The following LRRC37B variants were observed in gnomAD, a reference collection of about 807,000 sequenced individuals.
The protein encoded by LRRC37B is leucine rich repeat containing 37B.
A neutral mutation model predicts 98.3 loss-of-function variants in LRRC37B; 28 were observed. The ratio of observed to expected loss-of-function variants is 0.28; its 90% CI spans 0.21 to 0.39. The LOEUF is 0.39. Ranked by LOEUF, LRRC37B falls within the 10% of genes least tolerant of loss-of-function variation. The pLI is 1.00. For synonymous variants in LRRC37B, 364 were observed against 442.7 expected (o/e 0.82, Z 2.23); for missense variants, 938 against 1,182.7 (o/e 0.79, Z 3.03).
intron 1 of LRRC37B, among the ~76,000 whole-genome samples, chr17:32,009,663 C>T (rs777358342): frequency 3.3e-5 from 5 of 151,722 alleles, no homozygotes; most frequent in Non-Finnish European, 5.9e-5. Flanking sequence ...GACAGAGTCT[C>T]GCTCTTTCAC....
At chr17:32,040,440 G>A (rs1911391979) in intron 7 of LRRC37B, 1 of 562,860 alleles carries the variant, frequency 1.8e-6, no homozygotes, top group Admixed American at 2.2e-5. Context: ...GCAGCCTGTC[G>A]GTTGCAGGGC....
At chr17:32,020,952 T>G (rs1598202827), upstream of LRRC37B, 4 of 1,390,016 alleles carry the variant, frequency 2.9e-6, no homozygotes, top group African/African-American at 1.5e-5. Context: ...CCTGGCGGGG[T>G]GGGAAGGGGC....
chr17:32,043,875 GC>G (rs11297041), intron 7 of LRRC37B, among the ~76,000 whole-genome samples: 104,470 of 149,070 alleles, frequency 0.7, 37,693 homozygotes, highest in East Asian at 0.92. Context: ...CTCAAAAGAG[GC>G]CCCCCCTACA....
At position 32,014,729 on chromosome 17, in the gene LRRC37B, CATAT is replaced by C. The variant is rs56790780; in HGVS notation, c.-190-3240_-190-3237del. 5.0e-3 allele frequency among the ~76,000 whole-genome samples: 765 copies of C among 151,638 alleles called. 5 individuals are homozygous for C. The highest frequency in any genetic ancestry group is 0.017 in the African/African-American group (708 of 41,212). The stretch of plus-strand genomic sequence containing the variant: ...AGATAGATAGATAGATAGATAGATA[CATAT>C]ATCTATATACATGTAGAGGTAATAA... On this transcript the variant is annotated intron_variant, in intron 1 of 14. Transcript: ENST00000543378.
chr17:32,011,065 C>T (rs1170460593), intron 1 of LRRC37B, among the ~76,000 whole-genome samples: 2 of 150,726 alleles, frequency 1.3e-5, no homozygotes, highest in African/African-American at 2.4e-5. Flanking sequence ...GGCACAATCT[C>T]GGCTCACTGC....
chr17:32,021,305 C>T (rs1598203034), exon 1 of LRRC37B: 2 of 1,613,776 alleles, frequency 1.2e-6, no homozygotes, highest in East Asian at 4.5e-5. Context: ...CCCGCTCCTC[C>T]CATCTCCCAT....
intron 6 of LRRC37B, 36 bp from the exon 10 acceptor site, chr17:32,035,529 G>A (rs1459417275): frequency 1.3e-6 from 2 of 1,580,706 alleles, no homozygotes; most frequent in Non-Finnish European, 1.7e-6. Flanking sequence ...TTTTGTAATG[G>A]GTTCATATCA....
At chr17:32,022,157 T>A (rs756392191) in exon 1 of LRRC37B, 8 of 1,613,574 alleles carry the variant, frequency 5.0e-6, no homozygotes, top group Non-Finnish European at 6.8e-6. Flanking sequence ...CTCATTATAA[T>A]TTGCCCAAGT....
intron 1 of LRRC37B, among the ~76,000 whole-genome samples, chr17:32,008,663 T>A (rs1910464434): frequency 6.6e-6 from 1 of 152,236 alleles, no homozygotes; most frequent in African/African-American, 2.4e-5. Flanking sequence ...CCCCTAGCTG[T>A]GGTTTTTAAA....
chr17:32,026,993 C>T (rs903598403), intron 2 of LRRC37B, among the ~76,000 whole-genome samples: 3 of 152,028 alleles, frequency 2.0e-5, no homozygotes, highest in Non-Finnish European at 4.4e-5. Context: ...AGTCTGAGAC[C>T]AGTGTGGGTA....
chr17:32,035,193 G>A (rs370915722), intron 6 of LRRC37B, among the ~76,000 whole-genome samples: 7 of 152,170 alleles, frequency 4.6e-5, no homozygotes, highest in East Asian at 1.9e-4. Context: ...TGAAGAAGCC[G>A]TATAGATTTG....
rs1911718087 is a variant in LRRC37B at position 32,050,356 on chromosome 17, A to G, written c.2862+249A>G. ...TAGACTATTTTAAGAAGTTAAGTTG[A>G]TATAATAGCAAAATTTCTCCCACCC... On this transcript the variant is annotated intron_variant, in intron 11 of 11. Transcript: ENST00000327564. The G allele has an allele frequency of 2.2e-5, 7 of 313,938 alleles. No individual in the cohort carries two copies. In the South Asian group the frequency reaches 2.7e-4, roughly 12 times the overall value. The allele number at this position is 313,938 out of a possible 1,614,324, so 19.4% of individuals were successfully genotyped here.
chr17:32,047,673 T>C, intron 8 of LRRC37B, 88 bp from the exon 12 acceptor site: 1 of 1,589,130 alleles, frequency 6.3e-7, no homozygotes. Context: ...ACTCTTACTC[T>C]GTGTGACTGG....
chr17:32,021,888 C>G (rs778010939), exon 1 of LRRC37B: 4 of 1,614,046 alleles, frequency 2.5e-6, no homozygotes, highest in Non-Finnish European at 3.4e-6. Context: ...CGCAGATGAG[C>G]CTCCAGGGCC....
chr17:32,022,814 C>T (rs767819430), exon 1 of LRRC37B: 14 of 1,613,648 alleles, frequency 8.7e-6, no homozygotes, highest in Non-Finnish European at 1.0e-5. Context: ...ACAATGGCAT[C>T]TTCACCACCT....
At chr17:32,023,143 C>CA (rs1910852331) in intron 1 of LRRC37B, among the ~76,000 whole-genome samples, 1 of 133,440 alleles carries the variant, frequency 7.5e-6, no homozygotes, top group Non-Finnish European at 1.6e-5. Context: ...TTTTTTGAGA[C>CA]AGAGTTTTGC....
chr17:32,019,415 A>C (rs1023937351), upstream of LRRC37B, among the ~76,000 whole-genome samples: 1 of 152,226 alleles, frequency 6.6e-6, no homozygotes, highest in Non-Finnish European at 1.5e-5. Flanking sequence ...GTGTAAGTAT[A>C]CACTATGATG....
chr17:32,019,214 G>A (rs547726644), upstream of LRRC37B, among the ~76,000 whole-genome samples: 2 of 152,208 alleles, frequency 1.3e-5, no homozygotes, highest in South Asian at 2.1e-4. Flanking sequence ...GGTGCGAGCC[G>A]CTGCGCCTGG....
intron 1 of LRRC37B, among the ~76,000 whole-genome samples, chr17:32,010,495 CCTT>C (rs1404342476): frequency 1.3e-5 from 2 of 152,168 alleles, no homozygotes. Context: ...TTGTTCCACA[CCTT>C]CTTTTTTCAC....
Sources: gnomAD v4.1 joint callset for allele counts (sites outside exome capture counted in the v4.1 genomes callset) on GRCh38, gnomAD v4.1.1 for gene constraint, MANE v1.5 for transcripts, NCBI Gene and HGNC (gene_info 2026-07-23, HGNC 2026-07-21) for gene names.